The following ZNF705G variants were observed in gnomAD, a reference collection of about 807,000 sequenced individuals.
ZNF705G encodes the protein putative zinc finger protein 705G.
Under a neutral mutation model 19.6 loss-of-function variants are expected in ZNF705G, and 23 were observed. The ratio of observed to expected loss-of-function variants is 1.17; its 90% CI spans 0.84 to 1.66. The LOEUF (loss-of-function observed/expected upper bound fraction) is 1.66. Ranked by LOEUF, ZNF705G falls within the 40% of genes most tolerant of loss-of-function variation. The probability of loss-of-function intolerance (pLI) is 0.00; values close to 1 mark genes in which losing one functional copy is unlikely to be tolerated. For synonymous variants in ZNF705G, 146 were observed against 117.7 expected, an observed-to-expected ratio of 1.24 and a Z score of -1.56; for missense variants, 457 against 354.4, an observed-to-expected ratio of 1.29 and a Z score of -2.32.
At chr8:7,358,836 A>G (rs1487562012) in intron 6 of ZNF705G, among the ~76,000 whole-genome samples, 2 of 149,350 alleles carry the variant, frequency 1.3e-5, no homozygotes, top group Non-Finnish European at 1.5e-5. Flanking sequence ...CCTCCCCCAT[A>G]TTTTGCCCAT....
intron 2 of ZNF705G, among the ~76,000 whole-genome samples, chr8:7,364,159 G>C (rs541660862): frequency 1.2e-4 from 18 of 149,698 alleles, no homozygotes; most frequent in African/African-American, 3.1e-4. Context: ...GAGAAATACC[G>C]ATGTCCATGT....
chr8:7,364,190 G>A (rs1168877767), intron 2 of ZNF705G, among the ~76,000 whole-genome samples: 9 of 149,642 alleles, frequency 6.0e-5, no homozygotes, highest in Admixed American at 1.3e-4. Context: ...ACATAGATAT[G>A]TAGATATATA....
chr8:7,366,674 ATAATC>A (rs1235709917), intron 2 of ZNF705G, among the ~76,000 whole-genome samples: 2 of 149,848 alleles, frequency 1.3e-5, no homozygotes, highest in African/African-American at 5.1e-5. Context: ...TTTTTAAAAA[ATAATC>A]TAAGTACTTA....
chr8:7,360,609 C>T (rs1181984547), intron 4 of ZNF705G, among the ~76,000 whole-genome samples: 2 of 149,456 alleles, frequency 1.3e-5, no homozygotes, highest in Non-Finnish European at 2.9e-5. Context: ...ATGCATAATA[C>T]ACAATCTTTT....
intron 2 of ZNF705G, among the ~76,000 whole-genome samples, chr8:7,381,057 A>C (rs1298555487): frequency 7.4e-6 from 1 of 135,286 alleles, no homozygotes; most frequent in African/African-American, 3.5e-5. Context: ...AAAAAAACAC[A>C]ACACATCTTT....
At position 7,367,640 on chromosome 8, in the gene ZNF705G, G is replaced by C. The variant is rs1426021889; in HGVS notation, c.-71-4623C>G. Among the ~76,000 whole-genome samples the C allele has an allele frequency of 4.7e-5, 7 of 149,718 alleles. 1 individual carries two copies. Among genetic ancestry groups the C allele is most frequent in the Middle Eastern group, 6.9e-3 (2 of 290 alleles). On this transcript the variant is annotated intron_variant, in intron 2 of 6. Transcript: ENST00000400156. ...ACCCAACGCAGGATCAAGGTTAAAG[G>C]CTCTTCTCTTTTCTTTCTTGGACCT...
intron 2 of ZNF705G, among the ~76,000 whole-genome samples, chr8:7,380,437 C>T (rs1313991206): frequency 1.4e-5 from 2 of 147,402 alleles, no homozygotes; most frequent in East Asian, 3.9e-4. Flanking sequence ...GTCTGGGAGC[C>T]TGGGAATTAA....
At chr8:7,380,927 G>C (rs1807464508) in intron 2 of ZNF705G, among the ~76,000 whole-genome samples, 1 of 130,130 alleles carries the variant, frequency 7.7e-6, no homozygotes, top group Admixed American at 7.6e-5. Context: ...TGAGGCAGGA[G>C]AATTGCTTGA....
intron 2 of ZNF705G, among the ~76,000 whole-genome samples, chr8:7,365,466 C>A (rs1806814053): frequency 1.4e-5 from 2 of 147,798 alleles, no homozygotes; most frequent in African/African-American, 2.7e-5. Flanking sequence ...GCAACCTCCA[C>A]CTCCCGGGTT....
At chr8:7,365,778 C>A (rs1478081074) in intron 2 of ZNF705G, among the ~76,000 whole-genome samples, 2 of 149,618 alleles carry the variant, frequency 1.3e-5, no homozygotes, top group Non-Finnish European at 1.5e-5. Flanking sequence ...GACTTCCTAG[C>A]CCTTTCACGG....
chr8:7,368,870 G>A (rs1273126621), intron 2 of ZNF705G, among the ~76,000 whole-genome samples: 1 of 149,666 alleles, frequency 6.7e-6, no homozygotes, highest in African/African-American at 2.6e-5. Context: ...CAAGCCACAA[G>A]CCTTGGCAAT....
chr8:7,367,813 G>A (rs1806927800), intron 2 of ZNF705G, among the ~76,000 whole-genome samples: 1 of 149,734 alleles, frequency 6.7e-6, no homozygotes, highest in Non-Finnish European at 1.5e-5. Flanking sequence ...CTTTCTTCTA[G>A]GAGGCAAGGA....
At chr8:7,367,028 A>G (rs199938870) in intron 2 of ZNF705G, among the ~76,000 whole-genome samples, 2 of 149,760 alleles carry the variant, frequency 1.3e-5, no homozygotes, top group African/African-American at 5.1e-5. Context: ...TTTGGCCAAT[A>G]CAGATCTAGA....
At chr8:7,380,732 G>A (rs1192532702) in intron 2 of ZNF705G, among the ~76,000 whole-genome samples, 2 of 146,750 alleles carry the variant, frequency 1.4e-5, no homozygotes, top group South Asian at 4.2e-4. Flanking sequence ...GTCACTGCTG[G>A]CACTTGAGAA....
Position 7,355,951 on chromosome 8 carries a change from T to C in ZNF705G, c.*2025A>G, listed in dbSNP as rs1806203933. The stretch of plus-strand genomic sequence containing the variant: ...CACTTGTAGAGATTTTAAAATATAA[T>C]GATGTGTCAACTTCAACCATGGATA... On this transcript the variant is annotated 3_prime_UTR_variant, in exon 7 of 7. Coordinates refer to ENST00000400156, the MANE Select transcript of ZNF705G (RefSeq NM_001164457.3). 2.7e-5 allele frequency: 4 copies of C among 149,646 alleles called. 2 individuals are homozygous for C. The highest frequency in any genetic ancestry group is 4.2e-4 in the South Asian group (2 of 4,770). 9.3% of individuals were successfully genotyped at this position (149,646 alleles called of 1,614,324 possible).
At chr8:7,374,282 G>C (rs1410927858) in intron 2 of ZNF705G, among the ~76,000 whole-genome samples, 1 of 46,286 alleles carries the variant, frequency 2.2e-5, no homozygotes, top group Non-Finnish European at 3.7e-5. Context: ...TTGTTAAATA[G>C]TCATCCTGGC....
chr8:7,383,752 A>T (rs1190943941), intron 1 of ZNF705G, among the ~76,000 whole-genome samples: 2 of 149,336 alleles, frequency 1.3e-5, no homozygotes, highest in African/African-American at 5.2e-5. Flanking sequence ...ACCTTTCACC[A>T]CATAACAACA....
intron 6 of ZNF705G, 123 bp downstream of exon 6, chr8:7,359,496 T>A (rs1419954706): frequency 6.6e-7 from 1 of 1,512,214 alleles, no homozygotes; most frequent in East Asian, 2.3e-5. Flanking sequence ...CAATTTTTTT[T>A]TTTTGCTTAG....
At chr8:7,382,183 A>G (rs1290014334) in intron 1 of ZNF705G, among the ~76,000 whole-genome samples, 1 of 150,562 alleles carries the variant, frequency 6.6e-6, no homozygotes, top group Non-Finnish European at 1.5e-5. Context: ...CAAAATTTAA[A>G]AAGAAGAAGA....
Sources: allele counts gnomAD v4.1 joint callset (sites outside exome capture counted in the v4.1 genomes callset), GRCh38; gene constraint gnomAD v4.1.1; transcripts MANE v1.5; gene names NCBI Gene and HGNC (gene_info 2026-07-23, HGNC 2026-07-21).